MCF2L2: variants seen among roughly 807,000 people sequenced by gnomAD.
MCF2L2 encodes the protein probable guanine nucleotide exchange factor MCF2L2.
A neutral mutation model predicts 150.2 loss-of-function variants in MCF2L2; 102 were observed. That is an observed-to-expected ratio of 0.68 (90% confidence interval 0.58 to 0.80). MCF2L2 has a LOEUF of 0.80. Ranked by LOEUF, MCF2L2 falls within the 30% of genes least tolerant of loss-of-function variation. The pLI is 0.00. For synonymous variants in MCF2L2, 465 were observed against 491.3 expected, an observed-to-expected ratio of 0.95 and a Z score of 0.71; for missense variants, 1,256 against 1,372.8, an observed-to-expected ratio of 0.91 and a Z score of 1.34.
chr3:183,398,250 TGTCTTACTTCTA>T (rs1278221686), intron 1 of MCF2L2, among the ~76,000 whole-genome samples: 1 of 152,168 alleles, frequency 6.6e-6, no homozygotes, highest in African/African-American at 2.4e-5. Flanking sequence ...GCAAAAATGA[TGTCTTACTTCTA>T]AGCTAGGGTA....
At chr3:183,232,950 T>C (rs1400819993) in intron 15 of MCF2L2, among the ~76,000 whole-genome samples, 1 of 152,252 alleles carries the variant, frequency 6.6e-6, no homozygotes, top group Non-Finnish European at 1.5e-5. Context: ...CACGTGCTCC[T>C]TGGTTCAGTA....
At chr3:183,209,163 C>T (rs920165669) in intron 22 of MCF2L2, among the ~76,000 whole-genome samples, 22 of 152,208 alleles carry the variant, frequency 1.4e-4, no homozygotes, top group African/African-American at 5.3e-4. Context: ...CCATCAAGGA[C>T]CCACTCAAAT....
chr3:183,271,064 A>G, intron 15 of MCF2L2: 1 of 837,526 alleles, frequency 1.2e-6, no homozygotes, highest in Non-Finnish European at 1.8e-6. Flanking sequence ...CTAGTCCATC[A>G]GAATGTTTCT....
Position 183,273,067 on chromosome 3 carries a change from G to A in MCF2L2, c.1862+3805C>T, listed in dbSNP as rs183438032. 5.4e-6 allele frequency: 8 copies of A among 1,469,582 alleles called. No homozygotes were observed. The East Asian group carries it at 1.3e-4, about 24-fold the overall frequency. The allele number at this position is 1,469,582 out of a possible 1,614,324, so 91.0% of individuals were successfully genotyped here. A position where few individuals can be genotyped will look rare whatever the true frequency, so the allele number is the denominator to read the frequency against. On this transcript the variant is annotated intron_variant, in intron 15 of 29. Transcript: ENST00000328913. ...ACTTAAAGTACTGAGAAGAGTATCT[G>A]TAAATAAAAGGGTTCCAACCTTTTA...
chr3:183,180,180 G>C (rs1721469663), intron 27 of MCF2L2, 21 bp from the exon 28 acceptor site: 1 of 1,532,806 alleles, frequency 6.5e-7, no homozygotes, highest in Admixed American at 1.7e-5. Flanking sequence ...GAAAGGGAAG[G>C]ATGGGGCCTC....
chr3:183,219,449 A>G (rs1023844855), intron 21 of MCF2L2, among the ~76,000 whole-genome samples: 2 of 152,144 alleles, frequency 1.3e-5, no homozygotes, highest in African/African-American at 4.8e-5. Flanking sequence ...CGTCTCTACT[A>G]AAAATAAAAA....
chr3:183,292,067 G>T (rs1395785519), intron 13 of MCF2L2, among the ~76,000 whole-genome samples: 1 of 149,564 alleles, frequency 6.7e-6, no homozygotes, highest in Non-Finnish European at 1.5e-5. Context: ...GTGCAAGTGT[G>T]TGAGAGTGTA....
At chr3:183,286,054 C>T (rs1727775385) in intron 14 of MCF2L2, among the ~76,000 whole-genome samples, 1 of 152,196 alleles carries the variant, frequency 6.6e-6, no homozygotes, top group Non-Finnish European at 1.5e-5. Context: ...CAGGGCATCA[C>T]CCTTGCCAGA....
intron 3 of MCF2L2, among the ~76,000 whole-genome samples, chr3:183,345,195 AG>A (rs1730852882): frequency 6.6e-6 from 1 of 152,246 alleles, no homozygotes; most frequent in Non-Finnish European, 1.5e-5. Flanking sequence ...CAAATGTAAA[AG>A]AATGGGAATC....
chr3:183,398,248 G>T (rs543650476), intron 1 of MCF2L2, among the ~76,000 whole-genome samples: 3 of 152,214 alleles, frequency 2.0e-5, no homozygotes, highest in East Asian at 1.9e-4. Context: ...AAGCAAAAAT[G>T]ATGTCTTACT....
intron 2 of MCF2L2, among the ~76,000 whole-genome samples, chr3:183,381,354 G>C (rs567334555): frequency 6.6e-6 from 1 of 152,136 alleles, no homozygotes; most frequent in Non-Finnish European, 1.5e-5. Context: ...CTATTCTAAG[G>C]AGAGAGGGCC....
Position 183,321,082 on chromosome 3 carries a change from C to T in MCF2L2, c.603+2153G>A, listed in dbSNP as rs375814886. Among the ~76,000 whole-genome samples the T allele has an allele frequency of 1.3e-4, 20 of 152,262 alleles. No homozygotes were observed. The East Asian group carries it at 2.5e-3, about 19-fold the overall frequency. ...CACTGTCTTACATGGATGCAGTTTT[C>T]GGCACCCCAAAACAATTACAATAGC... is the stretch of plus-strand genomic sequence containing the variant. On this transcript the variant is annotated intron_variant, in intron 6 of 29. Transcript: ENST00000328913.
At chr3:183,341,476 A>G (rs532720358) in intron 4 of MCF2L2, 64 bp downstream of exon 4, 13 of 1,318,816 alleles carry the variant, frequency 9.9e-6, no homozygotes, top group Admixed American at 1.8e-5. Flanking sequence ...GGACTTTGAT[A>G]TGAAATAGTT....
chr3:183,302,483 G>A (rs1222071652), intron 10 of MCF2L2, among the ~76,000 whole-genome samples: 1 of 152,126 alleles, frequency 6.6e-6, no homozygotes, highest in Non-Finnish European at 1.5e-5. Context: ...GAAATGAGTG[G>A]AAGACTAACT....
intron 5 of MCF2L2, among the ~76,000 whole-genome samples, chr3:183,333,133 G>A (rs960382986): frequency 2.6e-5 from 4 of 151,908 alleles, no homozygotes; most frequent in Non-Finnish European, 5.9e-5. Flanking sequence ...TGCAACCTCC[G>A]CCTCCCAGGT....
intron 26 of MCF2L2, among the ~76,000 whole-genome samples, chr3:183,194,287 A>T (rs1722008316): frequency 6.6e-6 from 1 of 152,196 alleles, no homozygotes; most frequent in African/African-American, 2.4e-5. Context: ...TTCAACAAAC[A>T]TATATTGAGT....
At chr3:183,355,703 T>C (rs562110701) in intron 3 of MCF2L2, among the ~76,000 whole-genome samples, 14 of 149,502 alleles carry the variant, frequency 9.4e-5, no homozygotes, top group African/African-American at 3.0e-4. Context: ...CCTGACCTCG[T>C]GATCCGCCTG....
In MCF2L2 at chr3:183,307,229, C is replaced by T. The variant is rs114161623; in HGVS notation, c.1113+2487G>A. On this transcript the variant is annotated intron_variant, in intron 10 of 29. Coordinates refer to ENST00000328913, the MANE Select transcript of MCF2L2 (RefSeq NM_015078.4). ...TTAGTGCCGAGTAAAGGACAAACTC[C>T]AGGCAGATATTTGTCAGATTGTGGC... Among the ~76,000 whole-genome samples the T allele has an allele frequency of 7.0e-3, 1,062 of 152,296 alleles. 12 individuals carry two copies. Among genetic ancestry groups the T allele is most frequent in the African/African-American group, 0.023 (976 of 41,560 alleles).
intron 3 of MCF2L2, chr3:183,375,988 G>C (rs1713168335): frequency 6.6e-6 from 1 of 152,228 alleles, no homozygotes; most frequent in Non-Finnish European, 1.5e-5. Context: ...TTTGTGGAAA[G>C]GAACAGGGGA....
Sources: allele counts gnomAD v4.1 joint callset (sites outside exome capture counted in the v4.1 genomes callset), GRCh38; gene constraint gnomAD v4.1.1; transcripts MANE v1.5; gene names NCBI Gene and HGNC (gene_info 2026-07-23, HGNC 2026-07-21).